BNC2: variants seen among roughly 807,000 people sequenced by gnomAD.
BNC2 encodes zinc finger protein basonuclin-2.
In BNC2, 20 loss-of-function variants were observed where a neutral mutation model predicts 76.3. The observed-to-expected ratio is 0.26, with a 90% CI of 0.18 to 0.38. The LOEUF is 0.38. Among genes scored for constraint, BNC2 ranks in the 10% least tolerant of loss-of-function variants. The pLI, the probability that BNC2 is intolerant of heterozygous loss-of-function variation, is 1.00. For missense variants in BNC2, 1,382 were observed against 1,399.8 expected, an observed-to-expected ratio of 0.99 and a Z score of 0.20; for synonymous variants, 582 against 514.8, an observed-to-expected ratio of 1.13 and a Z score of -1.77.
At chr9:16,699,099 T>G (rs1823432479) in intron 3 of BNC2, 1 of 438,142 alleles carries the variant, frequency 2.3e-6, no homozygotes, top group Non-Finnish European at 4.6e-6. Flanking sequence ...GGTAGTGATT[T>G]TGTTGTTGCT....
At chr9:16,810,857 AC>A (rs1406247503) in intron 1 of BNC2, among the ~76,000 whole-genome samples, 1 of 152,188 alleles carries the variant, frequency 6.6e-6, no homozygotes, top group Non-Finnish European at 1.5e-5. Context: ...TTCAAGAGAA[AC>A]CAGAACTCTG....
At chr9:16,868,813 T>C (rs1819605467) in intron 1 of BNC2, among the ~76,000 whole-genome samples, 2 of 152,026 alleles carry the variant, frequency 1.3e-5, no homozygotes, top group South Asian at 4.2e-4. Context: ...TGTGTGTGTT[T>C]GTCCAAAAAG....
chr9:16,826,814 G>T (rs1360092537), intron 1 of BNC2, among the ~76,000 whole-genome samples: 1 of 152,092 alleles, frequency 6.6e-6, no homozygotes, highest in African/African-American at 2.4e-5. Flanking sequence ...ATGAAATGAT[G>T]GATGGATAGA....
rs761248052 is a variant in BNC2, at chr9:16,436,361, T to C, written c.1833A>G (p.Pro611=). ...IEQHPPPPSE[P]VVPAVMMATH... is the part of the protein sequence containing the mutation. The stretch of plus-strand genomic sequence containing the variant: ...TGGCCATCATCACTGCTGGCACTAC[T>C]GGCTCAGAGGGTGGCGGGGGGTGCT... The change falls in exon 6 of 7, where the codon CCA becomes CCG. Residue 611 remains proline (P), a synonymous_variant. Coordinates refer to ENST00000380672, the MANE Select transcript of BNC2 (RefSeq NM_017637.6). The C allele has an allele frequency of 1.2e-6, 2 of 1,614,056 alleles. No individual in the cohort carries two copies. The highest frequency in any genetic ancestry group is 4.5e-5 in the East Asian group (2 of 44,888).
At chr9:16,669,121 C>T (rs757555163) in intron 3 of BNC2, among the ~76,000 whole-genome samples, 18 of 152,188 alleles carry the variant, frequency 1.2e-4, no homozygotes, top group Middle Eastern at 3.4e-3. Flanking sequence ...ACTCAGAAAC[C>T]ACATTTGACA....
intron 5 of BNC2, among the ~76,000 whole-genome samples, chr9:16,502,292 G>C (rs577285148): frequency 6.6e-6 from 1 of 152,120 alleles, no homozygotes; most frequent in Admixed American, 6.6e-5. Context: ...AGGTCACAGC[G>C]AGCTATGGTC....
At chr9:16,582,552 G>T (rs1563849638) in intron 4 of BNC2, among the ~76,000 whole-genome samples, 1 of 152,146 alleles carries the variant, frequency 6.6e-6, no homozygotes, top group Non-Finnish European at 1.5e-5. Flanking sequence ...CATCTAGAAG[G>T]ATAAGCTCAG....
chr9:16,446,216 A>G (rs561173655), intron 5 of BNC2, among the ~76,000 whole-genome samples: 357 of 152,258 alleles, frequency 2.3e-3, no homozygotes, highest in African/African-American at 8.4e-3. Context: ...CTCATTATAA[A>G]TCACTCTTAT....
At chr9:16,602,966 A>T (rs1358666733) in intron 3 of BNC2, among the ~76,000 whole-genome samples, 3 of 152,240 alleles carry the variant, frequency 2.0e-5, no homozygotes, top group Non-Finnish European at 4.4e-5. Context: ...CTTACTGTAT[A>T]TATTAAAAGC....
At chr9:16,814,518 A>G (rs919489680) in intron 1 of BNC2, among the ~76,000 whole-genome samples, 2 of 152,348 alleles carry the variant, frequency 1.3e-5, no homozygotes, top group Admixed American at 1.3e-4. Context: ...TAAATTATCC[A>G]AGTTTGTATT....
chr9:16,547,584 A>G (rs73417472), intron 5 of BNC2, among the ~76,000 whole-genome samples: 9,355 of 152,266 alleles, frequency 0.061, 1,000 homozygotes, highest in African/African-American at 0.21. Flanking sequence ...AAGGAAACAG[A>G]GTCCTAAGAT....
At chr9:16,607,559 CA>C (rs561398484) in intron 3 of BNC2, among the ~76,000 whole-genome samples, 101 of 151,892 alleles carry the variant, frequency 6.6e-4, no homozygotes, top group African/African-American at 2.3e-3. Flanking sequence ...ATTTTCAAAG[CA>C]AAAAAAGTTT....
chr9:16,755,341 G>A (rs764979842), intron 1 of BNC2, among the ~76,000 whole-genome samples: 5 of 152,006 alleles, frequency 3.3e-5, no homozygotes, highest in African/African-American at 7.2e-5. Context: ...GGCTGTGGGG[G>A]GACACCACCT....
intron 3 of BNC2, among the ~76,000 whole-genome samples, chr9:16,720,948 G>C: frequency 6.6e-6 from 1 of 152,136 alleles, no homozygotes; most frequent in East Asian, 1.9e-4. Context: ...TTCACCTGAG[G>C]GTTTGAATGT....
intron 1 of BNC2, among the ~76,000 whole-genome samples, chr9:16,761,233 G>C (rs1563930926): frequency 6.6e-6 from 1 of 152,020 alleles, no homozygotes; most frequent in Non-Finnish European, 1.5e-5. Flanking sequence ...GGCAGACAGA[G>C]TAAGACCGTC....
intron 3 of BNC2, among the ~76,000 whole-genome samples, chr9:16,609,140 C>T (rs1363697293): frequency 6.6e-6 from 1 of 152,124 alleles, no homozygotes; most frequent in Non-Finnish European, 1.5e-5. Flanking sequence ...AAGTGCACCC[C>T]AGGGGACCTT....
chr9:16,728,386 T>C (rs1433005468), intron 2 of BNC2, among the ~76,000 whole-genome samples: 2 of 152,112 alleles, frequency 1.3e-5, no homozygotes, highest in East Asian at 1.9e-4. Context: ...TACACACTTA[T>C]GCACACTCCA....
At chr9:16,515,871 G>C (rs1418337569) in intron 5 of BNC2, among the ~76,000 whole-genome samples, 2 of 151,112 alleles carry the variant, frequency 1.3e-5, no homozygotes, top group South Asian at 2.1e-4. Flanking sequence ...TCAGAAAAGA[G>C]GCATCTGACA....
chr9:16,539,633 GCGA>G (rs1818242556), intron 5 of BNC2, among the ~76,000 whole-genome samples: 13 of 49,650 alleles, frequency 2.6e-4, no homozygotes, highest in Non-Finnish European at 2.2e-4. Flanking sequence ...GAGGGAGGGA[GCGA>G]GGGAGGGAGA....
Sources: gnomAD v4.1 joint callset for allele counts (sites outside exome capture counted in the v4.1 genomes callset) on GRCh38, gnomAD v4.1.1 for gene constraint, MANE v1.5 for transcripts, NCBI Gene and HGNC (gene_info 2026-07-23, HGNC 2026-07-21) for gene names.